Variants in UBE2D3 observed in about 807,000 individuals in gnomAD.
UBE2D3 encodes ubiquitin conjugating enzyme E2 D3, also known as ubiquitin-conjugating enzyme E2 D3.
A neutral mutation model predicts 22.8 loss-of-function variants in UBE2D3; 2 were observed. The ratio of observed to expected loss-of-function variants is 0.09; its 90% CI spans 0.04 to 0.28. UBE2D3 has a LOEUF of 0.28. Ranked by LOEUF, UBE2D3 falls within the 10% of genes least tolerant of loss-of-function variation. The pLI is 1.00. For missense variants in UBE2D3, 27 were observed against 182.5 expected, an observed-to-expected ratio of 0.15 and a Z score of 4.91; for synonymous variants, 56 against 60.4, an observed-to-expected ratio of 0.93 and a Z score of 0.34.
At chr4:102,810,038 A>T (rs537500605) in intron 2 of UBE2D3, 183 bp from the exon 3 acceptor site, 1 of 586,710 alleles carries the variant, frequency 1.7e-6, no homozygotes, top group African/African-American at 1.9e-5. Flanking sequence ...CAATCATCTT[A>T]GCTAGAGTTC....
intron 4 of UBE2D3, among the ~76,000 whole-genome samples, chr4:102,805,941 A>G (rs1726964669): frequency 1.3e-5 from 2 of 152,212 alleles, no homozygotes; most frequent in Non-Finnish European, 2.9e-5. Context: ...GAATCAAGAT[A>G]GTTATCAAGT....
intron 1 of UBE2D3, among the ~76,000 whole-genome samples, chr4:102,862,789 G>A (rs1338144444): frequency 6.6e-6 from 1 of 152,136 alleles, no homozygotes; most frequent in Non-Finnish European, 1.5e-5. Flanking sequence ...AACTTTTGTA[G>A]TATGTGTCTC....
At chr4:102,813,148 TTAG>T (rs1478545498) in intron 2 of UBE2D3, among the ~76,000 whole-genome samples, 2 of 152,130 alleles carry the variant, frequency 1.3e-5, no homozygotes, top group African/African-American at 4.8e-5. Context: ...TTAAAGTTGT[TTAG>T]TTAAAAGTCC....
chr4:102,819,002 A>G (rs1166917901), intron 2 of UBE2D3, among the ~76,000 whole-genome samples: 1 of 152,174 alleles, frequency 6.6e-6, no homozygotes, highest in Non-Finnish European at 1.5e-5. Context: ...TGAAAACATT[A>G]AAGACCTGAA....
intron 1 of UBE2D3, among the ~76,000 whole-genome samples, chr4:102,834,066 C>G (rs894630564): frequency 5.3e-5 from 8 of 152,170 alleles, no homozygotes; most frequent in Non-Finnish European, 2.9e-5. Flanking sequence ...TTGAATGTCA[C>G]TGTATGTTTT....
chr4:102,813,988 G>A (rs147001061), intron 2 of UBE2D3, among the ~76,000 whole-genome samples: 2 of 152,114 alleles, frequency 1.3e-5, no homozygotes, highest in Non-Finnish European at 2.9e-5. Flanking sequence ...CTACTTACAA[G>A]GTTGCCAGAG....
rs531654271 is a variant in UBE2D3 at position 102,824,332 on chromosome 4, TAGC to T, written c.24+2150_24+2152del. ...AAAATTATAAATTGTGATATTAAAATAGCAGTAATAACTAGGAGTGTCATGTGC... is the reference window on the plus strand; with the variant it reads ...AAAATTATAAATTGTGATATTAAAATAGTAATAACTAGGAGTGTCATGTGC... On this transcript the variant is annotated intron_variant, in intron 2 of 7. Transcript: ENST00000453744. Among the ~76,000 whole-genome samples the T allele has an allele frequency of 2.4e-3, 372 of 152,352 alleles. 1 individual carries two copies. The highest frequency in any genetic ancestry group is 8.5e-3 in the African/African-American group (352 of 41,588).
At chr4:102,844,661 C>A (rs1038950833) in intron 1 of UBE2D3, among the ~76,000 whole-genome samples, 127 of 152,248 alleles carry the variant, frequency 8.3e-4, no homozygotes, top group African/African-American at 2.8e-3. Flanking sequence ...CTATTCTGAC[C>A]AGTTGTCCAG....
intron 7 of UBE2D3, among the ~76,000 whole-genome samples, chr4:102,798,502 C>T (rs763916367): frequency 3.3e-5 from 5 of 151,398 alleles, no homozygotes; most frequent in African/African-American, 7.3e-5. Context: ...GTACAGCTGA[C>T]GCTAATGCAT....
intron 1 of UBE2D3, among the ~76,000 whole-genome samples, chr4:102,845,770 T>C (rs1474702239): frequency 6.6e-6 from 1 of 152,174 alleles, no homozygotes; most frequent in Admixed American, 6.5e-5. Context: ...TGTGCCTACT[T>C]TGTCTCTGAT....
At chr4:102,857,964 T>A (rs897252085) in intron 1 of UBE2D3, among the ~76,000 whole-genome samples, 1 of 151,966 alleles carries the variant, frequency 6.6e-6, no homozygotes, top group African/African-American at 2.4e-5. Context: ...AGTGCTGGGG[T>A]TACAGGCATG....
At chr4:102,822,264 A>C (rs1305370883) in intron 2 of UBE2D3, among the ~76,000 whole-genome samples, 1 of 152,216 alleles carries the variant, frequency 6.6e-6, no homozygotes, top group Non-Finnish European at 1.5e-5. Context: ...AGGTCCTATT[A>C]TTATCAGCAT....
intron 1 of UBE2D3, among the ~76,000 whole-genome samples, chr4:102,845,444 T>C (rs554333331): frequency 6.6e-5 from 10 of 152,296 alleles, no homozygotes; most frequent in East Asian, 5.8e-4. Context: ...GGTGTTCTAA[T>C]GTACAGACAA....
intron 1 of UBE2D3, among the ~76,000 whole-genome samples, chr4:102,851,249 T>C (rs1732331703): frequency 6.6e-6 from 1 of 152,222 alleles, no homozygotes; most frequent in Non-Finnish European, 1.5e-5. Context: ...TCTTTGTGAC[T>C]TGCTTTGACC....
intron 2 of UBE2D3, chr4:102,825,551 A>G: frequency 8.4e-7 from 1 of 1,191,868 alleles, no homozygotes; most frequent in Admixed American, 3.6e-5. Context: ...GCGGGATAGA[A>G]GTTAGAGCAA....
chr4:102,820,973 G>A lies in UBE2D3; in HGVS notation c.24+5512C>T, dbSNP rs535498550. Among the ~76,000 whole-genome samples, 16 of 152,238 alleles carry A rather than the reference G, an allele frequency of 1.1e-4. No individual in the cohort carries two copies. The South Asian group carries it at 3.1e-3, about 30-fold the overall frequency. ...TAGATTATGTTGAAAGTATCATTAG[G>A]AGATAAAAATCAGATGTTTCAACAA... is the stretch of plus-strand genomic sequence containing the variant. On this transcript the variant is annotated intron_variant, in intron 2 of 7. Transcript: ENST00000453744.
At chr4:102,822,639 C>T (rs1729793469) in intron 2 of UBE2D3, among the ~76,000 whole-genome samples, 1 of 152,136 alleles carries the variant, frequency 6.6e-6, no homozygotes, top group Non-Finnish European at 1.5e-5. Flanking sequence ...CATTATAAAA[C>T]AGGAATTGAA....
At chr4:102,828,796 T>G (rs1730937091), upstream of UBE2D3, among the ~76,000 whole-genome samples, 1 of 152,164 alleles carries the variant, frequency 6.6e-6, no homozygotes, top group Admixed American at 6.5e-5. Flanking sequence ...GTCAAGGGTT[T>G]AAAGTATGGA....
upstream of UBE2D3, chr4:102,827,914 C>T (rs2276880): frequency 3.0e-5 from 30 of 985,640 alleles, no homozygotes; most frequent in East Asian, 3.2e-3. Flanking sequence ...GCCCCACGCC[C>T]CTCCCCACAG....
Sources: allele counts gnomAD v4.1 joint callset (sites outside exome capture counted in the v4.1 genomes callset), GRCh38; gene constraint gnomAD v4.1.1; transcripts MANE v1.5; gene names NCBI Gene and HGNC (gene_info 2026-07-23, HGNC 2026-07-21).